Variants in SLC7A2 observed in about 807,000 individuals in gnomAD.
SLC7A2 encodes cationic amino acid transporter 2.
Under a neutral mutation model 58.9 loss-of-function variants are expected in SLC7A2, and 48 were observed. The ratio of observed to expected loss-of-function variants is 0.82; its 90% CI spans 0.65 to 1.04. The LOEUF (loss-of-function observed/expected upper bound fraction) is 1.04. Among genes scored for constraint, SLC7A2 ranks in the 50% least tolerant of loss-of-function variants. The pLI is 0.00. For missense variants in SLC7A2, 1,029 were observed against 818.8 expected (o/e 1.26, Z -3.13); for synonymous variants, 363 against 314.5 (o/e 1.15, Z -1.63).
chr8:17,560,345 C>T lies in SLC7A2; in HGVS notation c.1316C>T (p.Ser439Phe). 1 of 1,614,008 alleles carries T rather than the reference C, an allele frequency of 6.2e-7. No individual in the cohort carries two copies. The highest frequency in any genetic ancestry group is 8.5e-7 in the Non-Finnish European group (1 of 1,179,900). Residue 439 changes from serine (S) to phenylalanine (F), a missense_variant, in exon 10 of 13, where the codon TCT becomes TTT. By Grantham distance (155) the Ser-to-Phe change is radical. Transcript: ENST00000494857. ...GGAAATAGGTACCAGCCTGGCTTAT[C>T]TTACGACCAGCCCAAATGTTCTCCT... ...VLILRYQPGLSYDQPKCSPEK... is the reference protein window; with the variant it reads ...VLILRYQPGLFYDQPKCSPEK...
At chr8:17,563,445 A>G (rs1458844648) in intron 11 of SLC7A2, among the ~76,000 whole-genome samples, 158 bp from the exon 12 acceptor site, 2 of 152,174 alleles carry the variant, frequency 1.3e-5, no homozygotes, top group Non-Finnish European at 2.9e-5. Context: ...ATACTCTAAG[A>G]TGTGATTCTC....
intron 2 of SLC7A2, among the ~76,000 whole-genome samples, chr8:17,506,163 G>C (rs1031718394): frequency 6.6e-6 from 1 of 152,180 alleles, no homozygotes; most frequent in African/African-American, 2.4e-5. Context: ...CAAGAACATA[G>C]CACAGAGCAC....
chr8:17,560,752 A>G (rs1802938869), intron 10 of SLC7A2, among the ~76,000 whole-genome samples: 1 of 152,222 alleles, frequency 6.6e-6, no homozygotes, highest in African/African-American at 2.4e-5. Context: ...AGGAAGGAAT[A>G]CTTCAAGACG....
chr8:17,553,442 A>T (rs114685125), intron 7 of SLC7A2, among the ~76,000 whole-genome samples: 1 of 152,168 alleles, frequency 6.6e-6, no homozygotes, highest in Non-Finnish European at 1.5e-5. Context: ...ATGGACAAAG[A>T]TTCATCTATG....
intron 2 of SLC7A2, among the ~76,000 whole-genome samples, chr8:17,537,289 C>G (rs966815469): frequency 6.6e-6 from 1 of 152,052 alleles, no homozygotes; most frequent in African/African-American, 2.4e-5. Context: ...AACTCCTGAC[C>G]TCAAGTGCTC....
intron 1 of SLC7A2, among the ~76,000 whole-genome samples, chr8:17,500,915 C>G (rs1005454388): frequency 6.6e-6 from 1 of 151,982 alleles, no homozygotes; most frequent in African/African-American, 2.4e-5. Context: ...CATGAATCAC[C>G]TATTAATTTT....
At chr8:17,518,508 C>G (rs1800888793) in intron 2 of SLC7A2, among the ~76,000 whole-genome samples, 1 of 152,128 alleles carries the variant, frequency 6.6e-6, no homozygotes, top group African/African-American at 2.4e-5. Context: ...TCAGAGCACT[C>G]TCCTTCCTCA....
At chr8:17,515,552 C>T (rs1234637397) in intron 2 of SLC7A2, among the ~76,000 whole-genome samples, 2 of 152,134 alleles carry the variant, frequency 1.3e-5, no homozygotes, top group Non-Finnish European at 2.9e-5. Context: ...CCTGACCTCC[C>T]ATACTGCTGG....
chr8:17,522,852 A>C (rs1801070861), intron 2 of SLC7A2, among the ~76,000 whole-genome samples: 1 of 152,056 alleles, frequency 6.6e-6, no homozygotes, highest in Admixed American at 6.6e-5. Flanking sequence ...CCTGGGCAAC[A>C]CAGTGACACC....
At chr8:17,537,442 A>G (rs1358980601) in intron 2 of SLC7A2, among the ~76,000 whole-genome samples, 2 of 152,122 alleles carry the variant, frequency 1.3e-5, no homozygotes, top group Admixed American at 1.3e-4. Context: ...GCACTAGACC[A>G]TTTGACCGAC....
At chr8:17,504,443 A>G (rs1180804869) in intron 2 of SLC7A2, among the ~76,000 whole-genome samples, 1 of 152,200 alleles carries the variant, frequency 6.6e-6, no homozygotes, top group Non-Finnish European at 1.5e-5. Context: ...ATGTTTATGT[A>G]ATTCTAATTG....
At chr8:17,561,449 CT>C (rs1231101785) in intron 10 of SLC7A2, among the ~76,000 whole-genome samples, 5 of 152,162 alleles carry the variant, frequency 3.3e-5, no homozygotes, top group South Asian at 2.1e-4. Context: ...AAACCGCTTA[CT>C]GTTCAATTAT....
intron 2 of SLC7A2, among the ~76,000 whole-genome samples, chr8:17,533,450 A>C (rs1801539890): frequency 6.6e-6 from 1 of 152,188 alleles, no homozygotes; most frequent in Non-Finnish European, 1.5e-5. Context: ...CTTCTGCCAC[A>C]GTTGAAGGAA....
chr8:17,508,742 T>C (rs1800476178), intron 2 of SLC7A2, among the ~76,000 whole-genome samples: 3 of 151,838 alleles, frequency 2.0e-5, no homozygotes, highest in Non-Finnish European at 2.9e-5. Context: ...AATAAACAAA[T>C]AATAAAAAAG....
At chr8:17,561,892 A>G (rs1803006976) in intron 10 of SLC7A2, 52 bp from the exon 11 acceptor site, 1 of 1,571,918 alleles carries the variant, frequency 6.4e-7, no homozygotes, top group Admixed American at 1.7e-5. Flanking sequence ...GCACCAAGCA[A>G]TCTGGGTGGA....
intron 2 of SLC7A2, among the ~76,000 whole-genome samples, chr8:17,503,939 T>C (rs1039855259): frequency 6.6e-6 from 1 of 152,172 alleles, no homozygotes; most frequent in Non-Finnish European, 1.5e-5. Flanking sequence ...GTTTTGACCC[T>C]CCATCCTTAA....
intron 11 of SLC7A2, among the ~76,000 whole-genome samples, chr8:17,562,797 G>C (rs1050374400): frequency 6.6e-6 from 1 of 152,144 alleles, no homozygotes; most frequent in Non-Finnish European, 1.5e-5. Context: ...TGAGTATTTT[G>C]TTTTTAGAAA....
chr8:17,562,124 G>A lies in SLC7A2; in HGVS notation c.1671+14G>A, dbSNP rs774153606. On this transcript the variant is annotated intron_variant, in intron 11 of 12. Coordinates refer to ENST00000494857, the MANE Select transcript of SLC7A2 (RefSeq NM_001370338.1). ...GTAGCCTTCATGGTATGTGTAATGAGGATTAGAGACCCAAAATACTGTATT... is the reference window on the plus strand; with the variant it reads ...GTAGCCTTCATGGTATGTGTAATGAAGATTAGAGACCCAAAATACTGTATT... The A allele has an allele frequency of 2.5e-6, 4 of 1,584,848 alleles. No individual in the cohort carries two copies. The highest frequency in any genetic ancestry group is 1.7e-5 in the Admixed American group (1 of 58,830).
At chr8:17,506,099 T>A (rs1800354311) in intron 2 of SLC7A2, among the ~76,000 whole-genome samples, 1 of 152,214 alleles carries the variant, frequency 6.6e-6, no homozygotes, top group Admixed American at 6.5e-5. Context: ...ATGCGTTGCA[T>A]TTGTGGCATA....
Sources: gnomAD v4.1 joint callset for allele counts (sites outside exome capture counted in the v4.1 genomes callset) on GRCh38, gnomAD v4.1.1 for gene constraint, MANE v1.5 for transcripts, NCBI Gene and HGNC (gene_info 2026-07-23, HGNC 2026-07-21) for gene names.